PIEZO2: variants seen among roughly 807,000 people sequenced by gnomAD.
The protein encoded by PIEZO2 is piezo-type mechanosensitive ion channel component 2.
PIEZO2 carries 172 observed loss-of-function variants against 337.3 expected under a neutral mutation model. The observed-to-expected ratio is 0.51, with a 90% CI of 0.45 to 0.58. The LOEUF is 0.58. PIEZO2 is among the 20% of genes least tolerant of loss of function. The pLI, the probability that PIEZO2 is intolerant of heterozygous loss-of-function variation, is 0.00. For synonymous variants in PIEZO2, 1,251 were observed against 1,228.5 expected (o/e 1.02, Z -0.38); for missense variants, 3,028 against 3,391.3 (o/e 0.89, Z 2.66).
rs1044832971 is a variant in PIEZO2 at position 11,096,511 on chromosome 18, GA to G, written c.65-30290del. On this transcript the variant is annotated intron_variant, in intron 1 of 55. Coordinates refer to ENST00000674853, the MANE Select transcript of PIEZO2 (RefSeq NM_001378183.1). The surrounding 1 kb of genome is among the most constrained non-coding windows in gnomAD (Gnocchi z 4.6). ...TTTTGGTTTCCTCATTGATAAAACT[GA>G]AATGACGCTTTACTAAGCATTCTCT... 3.9e-5 allele frequency among the ~76,000 whole-genome samples: 6 copies of G among 152,154 alleles called. No individual in the cohort carries two copies. Among genetic ancestry groups the G allele is most frequent in the African/African-American group, 1.4e-4 (6 of 41,436 alleles).
intron 26 of PIEZO2, among the ~76,000 whole-genome samples, chr18:10,758,642 G>A (rs907973571): frequency 1.3e-5 from 2 of 152,164 alleles, no homozygotes; most frequent in Non-Finnish European, 2.9e-5. Flanking sequence ...GTTTTAAGGA[G>A]GCCACTTGAG....
chr18:10,816,758 G>C (rs1378368147), intron 7 of PIEZO2, among the ~76,000 whole-genome samples: 1 of 152,114 alleles, frequency 6.6e-6, no homozygotes, highest in African/African-American at 2.4e-5. Flanking sequence ...ATGTCTTAGG[G>C]AGGATTTCAA....
At chr18:10,848,161 G>A (rs752288619) in intron 7 of PIEZO2, among the ~76,000 whole-genome samples, 1 of 152,168 alleles carries the variant, frequency 6.6e-6, no homozygotes, top group South Asian at 2.1e-4. Context: ...AAGCAAGACC[G>A]CGGCAGACCT....
chr18:10,998,412 T>C (rs2035409574), intron 2 of PIEZO2, among the ~76,000 whole-genome samples: 1 of 151,818 alleles, frequency 6.6e-6, no homozygotes, highest in Non-Finnish European at 1.5e-5. Flanking sequence ...AGTTAATTCA[T>C]GGAATTTCTA....
At chr18:10,947,551 C>A (rs909813592) in intron 3 of PIEZO2, among the ~76,000 whole-genome samples, 1 of 152,142 alleles carries the variant, frequency 6.6e-6, no homozygotes. Context: ...GCTTTACCAG[C>A]AGAGTCTCTC....
intron 42 of PIEZO2, chr18:10,704,154 T>G: frequency 1.8e-6 from 1 of 554,804 alleles, no homozygotes; most frequent in East Asian, 3.1e-5. Context: ...ATGGGAATGA[T>G]GCCAGTACCC....
chr18:10,748,596 C>T lies in PIEZO2; in HGVS notation c.4299G>A (p.Gly1433=). Residue 1433 remains glycine, a synonymous_variant, in exon 30 of 56, where the codon GGG becomes GGA. Coordinates refer to ENST00000674853, the MANE Select transcript of PIEZO2 (RefSeq NM_001378183.1). This position sits in a 1 kb window ranked among gnomAD's most constrained non-coding sequence, Gnocchi z 5.1. ...AANSPCTLPS[G]EAGIIWDSIC... ...TGCTGTCCCAAATGATTCCTGCTTC[C>T]CCACTGGGAAGTGTACAGGGTGAAT... The T allele has an allele frequency of 2.6e-6, 4 of 1,529,264 alleles. No homozygotes were observed. Among genetic ancestry groups the T allele is most frequent in the Admixed American group, 4.0e-5 (2 of 49,612 alleles). The allele number at this position is 1,529,264 out of a possible 1,614,324, so 94.7% of individuals were successfully genotyped here.
chr18:10,956,708 C>T (rs140746292), intron 3 of PIEZO2, among the ~76,000 whole-genome samples: 11 of 152,202 alleles, frequency 7.2e-5, no homozygotes, highest in African/African-American at 2.4e-4. Flanking sequence ...CAGTGGCTCA[C>T]GCCTATAATC....
chr18:11,029,148 A>G (rs1253208454), intron 2 of PIEZO2, among the ~76,000 whole-genome samples: 1 of 152,168 alleles, frequency 6.6e-6, no homozygotes, highest in Non-Finnish European at 1.5e-5. Flanking sequence ...ATGTATCTGA[A>G]TTGTACTCAC....
At chr18:10,796,410 G>A (rs1013471482) in intron 12 of PIEZO2, among the ~76,000 whole-genome samples, 2 of 151,402 alleles carry the variant, frequency 1.3e-5, no homozygotes, top group African/African-American at 4.9e-5. Context: ...AAGGAATTAC[G>A]TCTCACCCAA....
chr18:10,845,319 G>A (rs1358336372), intron 7 of PIEZO2, among the ~76,000 whole-genome samples: 2 of 151,908 alleles, frequency 1.3e-5, no homozygotes, highest in Non-Finnish European at 2.9e-5. Flanking sequence ...TCCAGAGACA[G>A]GATTTATTTT....
chr18:11,089,950 C>A (rs191973969), intron 1 of PIEZO2, among the ~76,000 whole-genome samples: 155 of 152,328 alleles, frequency 1.0e-3, no homozygotes, highest in Non-Finnish European at 2.1e-3. Context: ...AATTCCTCTT[C>A]TCCTTACAGA....
chr18:10,991,814 C>T (rs979889187), intron 2 of PIEZO2, among the ~76,000 whole-genome samples: 4 of 152,156 alleles, frequency 2.6e-5, no homozygotes, highest in Non-Finnish European at 5.9e-5. Flanking sequence ...CACTGTCTTC[C>T]ACAATGGTTG....
At chr18:11,118,629 G>C (rs2039951479) in intron 1 of PIEZO2, among the ~76,000 whole-genome samples, 1 of 152,122 alleles carries the variant, frequency 6.6e-6, no homozygotes, top group Admixed American at 6.6e-5. Context: ...CACATGCCCT[G>C]ATTTATTGAA....
At chr18:10,922,730 A>G (rs2031503940) in intron 3 of PIEZO2, among the ~76,000 whole-genome samples, 1 of 152,138 alleles carries the variant, frequency 6.6e-6, no homozygotes, top group African/African-American at 2.4e-5. Flanking sequence ...GGCAGGACTC[A>G]TAAGCTGTGA....
At chr18:10,806,671 T>C (rs1382065632) in intron 8 of PIEZO2, among the ~76,000 whole-genome samples, 1 of 152,182 alleles carries the variant, frequency 6.6e-6, no homozygotes, top group Non-Finnish European at 1.5e-5. Context: ...TGAGCTTTGT[T>C]GTCAAATGTG....
chr18:10,701,966 GATTA>G lies in PIEZO2; in HGVS notation c.6441+19_6441+22del, dbSNP rs1406195141. 2 of 1,504,634 alleles carry G rather than the reference GATTA, an allele frequency of 1.3e-6. No individual in the cohort carries two copies. Among genetic ancestry groups the G allele is most frequent in the Non-Finnish European group, 8.8e-7 (1 of 1,134,448 alleles). The allele number at this position is 1,504,634 out of a possible 1,614,324, so 93.2% of individuals were successfully genotyped here. A position where few individuals can be genotyped will look rare whatever the true frequency, so the allele number is the denominator to read the frequency against. On this transcript the variant is annotated intron_variant, in intron 43 of 55. Transcript: ENST00000674853. ...TCTAGGAAGATGACCAACTTGAACT[GATTA>G]ATTGTTAACATGCAGTACCTTCAAA...
At chr18:10,974,146 G>A (rs527865711) in intron 3 of PIEZO2, among the ~76,000 whole-genome samples, 2 of 152,284 alleles carry the variant, frequency 1.3e-5, no homozygotes, top group African/African-American at 4.8e-5. Flanking sequence ...AAACTGCCAG[G>A]CTGGGTCTGT....
At chr18:10,967,546 T>C (rs62083584) in intron 3 of PIEZO2, among the ~76,000 whole-genome samples, 307 of 152,352 alleles carry the variant, frequency 2.0e-3, no homozygotes, top group Middle Eastern at 3.4e-3. Flanking sequence ...ACAGTGGTTG[T>C]ACTAGTCTAC....
Sources: gnomAD v4.1 joint callset for allele counts (sites outside exome capture counted in the v4.1 genomes callset) on GRCh38, gnomAD v4.1.1 for gene constraint, Gnocchi (gnomAD v3.1) non-coding constraint, MANE v1.5 for transcripts, NCBI Gene and HGNC (gene_info 2026-07-23, HGNC 2026-07-21) for gene names.